STS: variants seen among roughly 807,000 people sequenced by gnomAD.
STS encodes steryl-sulfatase.
A neutral mutation model predicts 26.8 loss-of-function variants in STS; 7 were observed. The ratio of observed to expected loss-of-function variants is 0.26; its 90% CI spans 0.15 to 0.49. The LOEUF is 0.49. STS is among the 20% of genes least tolerant of loss of function. The probability of loss-of-function intolerance (pLI) is 0.98; values close to 1 mark genes in which losing one functional copy is unlikely to be tolerated. For missense variants in STS, 434 were observed against 465.6 expected, an observed-to-expected ratio of 0.93 and a Z score of 0.63; for synonymous variants, 199 against 189.4, an observed-to-expected ratio of 1.05 and a Z score of -0.42.
intron 1 of STS, among the ~76,000 whole-genome samples, chrX:7,158,499 G>C (rs1438818443): frequency 9.0e-6 from 1 of 111,674 alleles, no homozygotes; most frequent in African/African-American, 3.3e-5. Flanking sequence ...ATGCCCTTCA[G>C]CTTTGCCTGA....
intron 7 of STS, among the ~76,000 whole-genome samples, chrX:7,282,299 C>T (rs1466762591): frequency 2.7e-5 from 3 of 112,148 alleles, no homozygotes; most frequent in Non-Finnish European, 5.6e-5. Context: ...TTCCTGGGCT[C>T]AAGCAATCCT....
intron 2 of STS, among the ~76,000 whole-genome samples, chrX:7,212,061 A>G (rs549250669): frequency 3.6e-5 from 4 of 112,300 alleles, no homozygotes; most frequent in African/African-American, 1.3e-4. Context: ...ATCATTCAGC[A>G]ATGCATAAGA....
intron 8 of STS, among the ~76,000 whole-genome samples, chrX:7,319,157 T>C (rs1360134793): frequency 5.5e-5 from 6 of 109,743 alleles, no homozygotes; most frequent in African/African-American, 2.0e-4. Context: ...ACTATGTGCT[T>C]TGTTTTCTGT....
At chrX:7,205,974 G>A (rs1210559212) in intron 2 of STS, among the ~76,000 whole-genome samples, 4 of 110,128 alleles carry the variant, frequency 3.6e-5, no homozygotes, top group African/African-American at 1.3e-4. Context: ...ACCACTCAGG[G>A]TAAAGGCCAA....
At chrX:7,260,899 GGTCTGTCA>G (rs2147091511) in intron 6 of STS, among the ~76,000 whole-genome samples, 1 of 111,386 alleles carries the variant, frequency 9.0e-6, no homozygotes, top group East Asian at 2.8e-4. Context: ...ATGTCTCTTG[GGTCTGTCA>G]GGTCCCATTG....
intron 7 of STS, among the ~76,000 whole-genome samples, chrX:7,288,124 T>G (rs1925225596): frequency 9.5e-6 from 1 of 105,079 alleles, no homozygotes; most frequent in South Asian, 4.3e-4. Context: ...CATTAATATT[T>G]TACTTATTGT....
At chrX:7,279,590 A>G (rs763813426) in intron 7 of STS, among the ~76,000 whole-genome samples, 30 of 108,707 alleles carry the variant, frequency 2.8e-4, no homozygotes, top group Non-Finnish European at 4.9e-4. Flanking sequence ...GGAGTTAGTC[A>G]TTGTACTTGG....
At chrX:7,341,954 G>T (rs1928306192) in intron 10 of STS, among the ~76,000 whole-genome samples, 1 of 110,343 alleles carries the variant, frequency 9.1e-6, no homozygotes, top group Non-Finnish European at 1.9e-5. Flanking sequence ...TGGGATTACG[G>T]GCGCCCACCA....
intron 7 of STS, among the ~76,000 whole-genome samples, chrX:7,297,163 T>C (rs1220655539): frequency 4.5e-5 from 5 of 112,084 alleles, no homozygotes; most frequent in Non-Finnish European, 9.4e-5. Flanking sequence ...GCCATCTCTT[T>C]TTATATGTCA....
At chrX:7,260,999 T>G (rs762990759) in intron 6 of STS, among the ~76,000 whole-genome samples, 76 of 110,706 alleles carry the variant, frequency 6.9e-4, no homozygotes, top group Non-Finnish European at 1.2e-3. Flanking sequence ...ATTACATAGG[T>G]AGGTATAATA....
At position 7,324,881 on chromosome X, in the gene STS, G is replaced by C. The variant is rs766230769; in HGVS notation, c.1082-458G>C. Among the ~76,000 whole-genome samples, 11 of 111,652 alleles carry C rather than the reference G, an allele frequency of 9.9e-5. No individual in the cohort carries two copies. In the South Asian group the frequency reaches 3.0e-3, roughly 31 times the overall value. ...TAATCTCCTCATCTCAAAATCCTTAGTCACATGTTTAAAGTCCCTTTTGCC... is the reference window on the plus strand; with the variant it reads ...TAATCTCCTCATCTCAAAATCCTTACTCACATGTTTAAAGTCCCTTTTGCC... On this transcript the variant is annotated intron_variant, in intron 8 of 10. Transcript: ENST00000674429.
chrX:7,313,813 C>G (rs1926588938), intron 8 of STS, among the ~76,000 whole-genome samples: 1 of 111,969 alleles, frequency 8.9e-6, no homozygotes, highest in Admixed American at 9.5e-5. Flanking sequence ...CAGAATGCCT[C>G]TAAATTCTAC....
At chrX:7,254,132 A>T (rs891908663) in intron 3 of STS, among the ~76,000 whole-genome samples, 1 of 111,885 alleles carries the variant, frequency 8.9e-6, no homozygotes, top group Non-Finnish European at 1.9e-5. Flanking sequence ...GCATTTCAAC[A>T]TCTGAATCTG....
chrX:7,172,108 A>G (rs1933479623), intron 1 of STS, among the ~76,000 whole-genome samples: 2 of 111,846 alleles, frequency 1.8e-5, no homozygotes, highest in African/African-American at 6.5e-5. Context: ...ATTTTTAGGA[A>G]GTCACATTTT....
chrX:7,310,566 C>A (rs958095642), intron 8 of STS, among the ~76,000 whole-genome samples: 1 of 111,577 alleles, frequency 9.0e-6, no homozygotes, highest in Non-Finnish European at 1.9e-5. Context: ...GTGGCCCCAC[C>A]CCTAGCTTCA....
intron 10 of STS, among the ~76,000 whole-genome samples, chrX:7,345,159 G>A (rs930041891): frequency 5.4e-5 from 6 of 111,314 alleles, no homozygotes; most frequent in African/African-American, 2.0e-4. Context: ...ACCGAGGGTA[G>A]GACTGCTATT....
intron 8 of STS, among the ~76,000 whole-genome samples, chrX:7,315,197 A>G (rs1361528706): frequency 8.9e-6 from 1 of 112,167 alleles, no homozygotes; most frequent in Non-Finnish European, 1.9e-5. Context: ...CTATTACTTT[A>G]GTTGATTTAA....
At chrX:7,209,399 AT>A (rs1160664380) in intron 2 of STS, among the ~76,000 whole-genome samples, 1 of 106,386 alleles carries the variant, frequency 9.4e-6, no homozygotes, top group Non-Finnish European at 1.9e-5. Flanking sequence ...ATATATATGT[AT>A]TTATAGAAAT....
chrX:7,220,441 C>T (rs1921499811), intron 2 of STS, among the ~76,000 whole-genome samples: 1 of 110,337 alleles, frequency 9.1e-6, no homozygotes, highest in African/African-American at 3.3e-5. Flanking sequence ...AATCCTTTCT[C>T]TCTTTTACAG....
Sources: gnomAD v4.1 joint callset for allele counts (sites outside exome capture counted in the v4.1 genomes callset) on GRCh38, gnomAD v4.1.1 for gene constraint, MANE v1.5 for transcripts, NCBI Gene and HGNC (gene_info 2026-07-23, HGNC 2026-07-21) for gene names.